DIP2B: variants seen among roughly 807,000 people sequenced by gnomAD.
DIP2B encodes DIP2 acetate--CoA ligase B (putative), also known as disco-interacting protein 2 homolog B.
DIP2B carries 76 observed loss-of-function variants against 198.0 expected under a neutral mutation model. That is an observed-to-expected ratio of 0.38 (90% confidence interval 0.32 to 0.46). The LOEUF (loss-of-function observed/expected upper bound fraction) is 0.46, where lower values mean the gene tolerates loss of function less well. Among genes scored for constraint, DIP2B ranks in the 20% least tolerant of loss-of-function variants. The probability of loss-of-function intolerance (pLI) is 0.99; values close to 1 mark genes in which losing one functional copy is unlikely to be tolerated. For synonymous variants in DIP2B, 701 were observed against 739.1 expected (o/e 0.95, Z 0.84); for missense variants, 1,559 against 1,978.4 (o/e 0.79, Z 4.02).
At chr12:50,565,163 T>A (rs1310575431) in intron 1 of DIP2B, among the ~76,000 whole-genome samples, 2 of 151,534 alleles carry the variant, frequency 1.3e-5, no homozygotes, top group Non-Finnish European at 2.9e-5. Flanking sequence ...CTGCCACACC[T>A]GCTTTTATTT....
intron 33 of DIP2B, 68 bp from the exon 34 acceptor site, chr12:50,735,005 G>T: frequency 6.3e-7 from 1 of 1,583,560 alleles, no homozygotes. Context: ...AGGCAGCACC[G>T]AGCTGCAGGA....
At chr12:50,692,927 C>T (rs1939246075) in intron 13 of DIP2B, 22 bp from the exon 14 acceptor site, 2 of 1,600,130 alleles carry the variant, frequency 1.2e-6, no homozygotes, top group Non-Finnish European at 8.5e-7. Context: ...ATTTCTTTGT[C>T]TTCCTATTTT....
intron 26 of DIP2B, 132 bp downstream of exon 26, chr12:50,721,528 G>T: frequency 7.3e-7 from 1 of 1,371,462 alleles, no homozygotes; most frequent in East Asian, 2.3e-5. Context: ...AGAAGACCAT[G>T]CACACAGGCC....
chr12:50,582,145 GTTTTTT>G (rs367699036), intron 1 of DIP2B, among the ~76,000 whole-genome samples: 25,165 of 78,244 alleles, frequency 0.32, 3,061 homozygotes, highest in East Asian at 0.44. Context: ...CTTTTTTTCT[GTTTTTT>G]TTTTTTTTTT....
chr12:50,593,717 T>TCTCCC (rs1214354084), intron 1 of DIP2B, among the ~76,000 whole-genome samples: 144 of 11,262 alleles, frequency 0.013, 3 homozygotes, highest in African/African-American at 0.087. Flanking sequence ...CCTCCTCTCC[T>TCTCCC]CTCCTCTCCT....
intron 37 of DIP2B, 140 bp downstream of exon 37, chr12:50,741,679 C>T (rs1420421870): frequency 2.5e-6 from 3 of 1,214,784 alleles, no homozygotes; most frequent in Non-Finnish European, 3.4e-6. Flanking sequence ...TAGACTGATT[C>T]TTGTCTTGGG....
At position 50,728,529 on chromosome 12, in the gene DIP2B, C is replaced by A; in HGVS notation, c.3511-19C>A. 3 of 1,611,736 alleles carry A rather than the reference C, an allele frequency of 1.9e-6. No homozygotes were observed. Among genetic ancestry groups the A allele is most frequent in the Non-Finnish European group, 2.5e-6 (3 of 1,178,374 alleles). ...GTGGGATAACAGTCCCAGCCTGTTC[C>A]ATTTTCCATACTTTCCAGATGTCCC... On this transcript the variant is annotated intron_variant, in intron 29 of 37. Coordinates refer to ENST00000301180, the MANE Select transcript of DIP2B (RefSeq NM_173602.3).
At chr12:50,510,580 T>A (rs1958005222) in intron 1 of DIP2B, among the ~76,000 whole-genome samples, 2 of 152,210 alleles carry the variant, frequency 1.3e-5, no homozygotes, top group South Asian at 4.1e-4. Context: ...GGATACTCTT[T>A]GAAATGCTCC....
chr12:50,741,390 C>T (rs777160447), intron 36 of DIP2B, 26 bp from the exon 37 acceptor site: 2 of 1,610,912 alleles, frequency 1.2e-6, no homozygotes, highest in African/African-American at 2.7e-5. Flanking sequence ...GTCCAAGCCA[C>T]ATTTCTCTCT....
intron 3 of DIP2B, among the ~76,000 whole-genome samples, chr12:50,648,035 G>A (rs1472901596): frequency 6.6e-6 from 1 of 152,144 alleles, no homozygotes; most frequent in Non-Finnish European, 1.5e-5. Flanking sequence ...GAACCCAGGA[G>A]GCGGAGGTTG....
At chr12:50,560,311 C>T (rs1593609533) in intron 1 of DIP2B, among the ~76,000 whole-genome samples, 2 of 151,502 alleles carry the variant, frequency 1.3e-5, no homozygotes, top group South Asian at 2.1e-4. Flanking sequence ...AGGAAAATGG[C>T]GTGAACCTGG....
Position 50,677,666 on chromosome 12 carries a change from TA to T in DIP2B, c.917-1011del, listed in dbSNP as rs372581872. Among the ~76,000 whole-genome samples, 530 of 152,288 alleles carry T rather than the reference TA, an allele frequency of 3.5e-3. 1 individual carries two copies. The highest frequency in any genetic ancestry group is 0.034 in the Middle Eastern group (10 of 294). Reference sequence around the variant, plus strand: ...CTTTTTTTGATTTTTATTATTTGAATAATACTTGTTCATTTTAGAAATTAAG... The same window carrying T: ...CTTTTTTTGATTTTTATTATTTGAATATACTTGTTCATTTTAGAAATTAAG... On this transcript the variant is annotated intron_variant, in intron 7 of 37. Coordinates refer to ENST00000301180, the MANE Select transcript of DIP2B (RefSeq NM_173602.3).
chr12:50,700,880 T>G (rs1172185686), intron 19 of DIP2B, among the ~76,000 whole-genome samples: 5 of 152,210 alleles, frequency 3.3e-5, no homozygotes, highest in Non-Finnish European at 7.3e-5. Context: ...CCTATTTATT[T>G]CTGTCACCCA....
intron 1 of DIP2B, among the ~76,000 whole-genome samples, chr12:50,573,231 A>G (rs967209803): frequency 2.0e-5 from 3 of 152,258 alleles, no homozygotes; most frequent in African/African-American, 2.4e-5. Context: ...TTCATCAGCC[A>G]TAACAGTCAG....
chr12:50,630,122 G>A (rs972839581), intron 2 of DIP2B, among the ~76,000 whole-genome samples: 1 of 151,524 alleles, frequency 6.6e-6, no homozygotes, highest in Non-Finnish European at 1.5e-5. Context: ...GCTAATTTTT[G>A]TATTTTTAGT....
At chr12:50,668,839 TC>T (rs1045981409) in intron 4 of DIP2B, among the ~76,000 whole-genome samples, 4 of 152,142 alleles carry the variant, frequency 2.6e-5, no homozygotes, top group Non-Finnish European at 4.4e-5. Context: ...AATATTTGTG[TC>T]CCGGGGTACA....
chr12:50,603,475 A>G (rs1219674418), intron 1 of DIP2B, among the ~76,000 whole-genome samples: 1 of 152,164 alleles, frequency 6.6e-6, no homozygotes, highest in East Asian at 1.9e-4. Flanking sequence ...ACGGTGGCTC[A>G]TGCCTATAAT....
At chr12:50,702,437 C>T (rs1939435401) in intron 19 of DIP2B, among the ~76,000 whole-genome samples, 1 of 151,948 alleles carries the variant, frequency 6.6e-6, no homozygotes, top group African/African-American at 2.4e-5. Context: ...TGGCAGGTGC[C>T]TGTAATCCCA....
chr12:50,735,288 G>T (rs531011869), intron 34 of DIP2B, among the ~76,000 whole-genome samples, 158 bp downstream of exon 34: 1 of 152,136 alleles, frequency 6.6e-6, no homozygotes, highest in South Asian at 2.1e-4. Context: ...ATTCATATGG[G>T]TACATAGATA....
Sources: gnomAD v4.1 joint callset for allele counts (sites outside exome capture counted in the v4.1 genomes callset) on GRCh38, gnomAD v4.1.1 for gene constraint, MANE v1.5 for transcripts, NCBI Gene and HGNC (gene_info 2026-07-23, HGNC 2026-07-21) for gene names.